Variants in CD177 observed in about 807,000 individuals in gnomAD.
CD177 encodes the protein CD177 molecule, also known as CD177 antigen.
A neutral mutation model predicts 38.1 loss-of-function variants in CD177; 41 were observed. That is an observed-to-expected ratio of 1.07 (90% CI 0.84 to 1.39). CD177 has a LOEUF of 1.39. CD177 is among the 40% of genes most tolerant of loss of function. The pLI, the probability that CD177 is intolerant of heterozygous loss-of-function variation, is 0.00. For missense variants in CD177, 619 were observed against 523.8 expected (o/e 1.18, Z -1.77); for synonymous variants, 236 against 216.7 (o/e 1.09, Z -0.78).
chr19:43,355,140 G>C (rs1258360099), intron 3 of CD177, among the ~76,000 whole-genome samples: 3 of 118,358 alleles, frequency 2.5e-5, no homozygotes, highest in Non-Finnish European at 3.3e-5. Flanking sequence ...CTGAGAAAGC[G>C]TCTCGCTGTG....
At position 43,361,452 on chromosome 19, in the gene CD177, TG is replaced by T. The variant is rs556762097; in HGVS notation, c.955del (p.Val319SerfsTer24). 7.5e-4 allele frequency: 1,183 copies of T among 1,586,608 alleles called. No individual in the cohort carries two copies. Among genetic ancestry groups the T allele is most frequent in the South Asian group, 2.0e-3 (174 of 87,520 alleles). The part of the protein sequence containing the change: ...LNSLPPQAAP[V>X]PGDRQCPTCV... Reference sequence around the variant, plus strand: ...CTTCCCTCTGCTCCCCAGCTGCCCCTGTCCCAGGAGACCGGCAGTGTCCTAC... The same window carrying T: ...CTTCCCTCTGCTCCCCAGCTGCCCCTTCCCAGGAGACCGGCAGTGTCCTAC... On this transcript the variant is annotated frameshift_variant, in exon 8 of 9. Transcript: ENST00000618265. LOFTEE classifies it high-confidence loss of function.
chr19:43,359,976 T>A (rs2122244994), intron 5 of CD177, among the ~76,000 whole-genome samples: 2 of 151,164 alleles, frequency 1.3e-5, no homozygotes, highest in Middle Eastern at 6.8e-3. Context: ...GAAGCAGAGA[T>A]GGGATGAGGA....
In CD177 at chr19:43,361,676, G is replaced by A. The variant is rs528059460; in HGVS notation, c.1081+97G>A. On this transcript the variant is annotated intron_variant, in intron 8 of 8. Transcript: ENST00000618265. Reference sequence around the variant, plus strand: ...GGCTGGGGGCCTGGACTCCTGGTCCGAGGGAGGAGGCGCTGGGGGCCTGGA... The same window carrying A: ...GGCTGGGGGCCTGGACTCCTGGTCCAAGGGAGGAGGCGCTGGGGGCCTGGA... The A allele has an allele frequency of 4.9e-5, 62 of 1,265,540 alleles. No individual in the cohort carries two copies. In the East Asian group the frequency reaches 5.2e-4, roughly 11 times the overall value. 78.4% of individuals were successfully genotyped at this position (1,265,540 alleles called of 1,614,324 possible).
intron 3 of CD177, 21 bp from the exon 4 acceptor site, chr19:43,355,640 C>T (rs750871275): frequency 5.0e-6 from 8 of 1,612,284 alleles, no homozygotes; most frequent in Non-Finnish European, 6.8e-6. Flanking sequence ...TGCCCCCTCA[C>T]TCTGTCTGTC....
At chr19:43,365,523 C>T (rs2098045178), downstream of CD177, among the ~76,000 whole-genome samples, 1 of 123,738 alleles carries the variant, frequency 8.1e-6, no homozygotes, top group Non-Finnish European at 1.7e-5. Flanking sequence ...TCCTCCCTGT[C>T]TTAAGTTTAC....
At chr19:43,360,093 G>A (rs372594673) in intron 5 of CD177, among the ~76,000 whole-genome samples, 172 bp from the exon 6 acceptor site, 2 of 151,930 alleles carry the variant, frequency 1.3e-5, no homozygotes, top group African/African-American at 2.4e-5. Flanking sequence ...AGGGAACAAT[G>A]GGGGTGGGAT....
Position 43,361,615 on chromosome 19 carries a change from A to C in CD177, c.1081+36A>C, listed in dbSNP as rs372911688. On this transcript the variant is annotated intron_variant, in intron 8 of 8. Coordinates refer to ENST00000618265, the MANE Select transcript of CD177 (RefSeq NM_020406.4). ...CAAGCAGGGCCCCAAGGATGAAGGC[A>C]CTGGTGGCCTGGACTCCTGGGTCTG... The C allele has an allele frequency of 8.9e-5, 138 of 1,549,344 alleles. No homozygotes were observed. The African/African-American group carries it at 1.1e-3, about 13-fold the overall frequency.
rs1040829877 is a variant in CD177 at position 43,362,815 on chromosome 19, C to T, written c.*495C>T. The T allele has an allele frequency of 7.2e-5, 11 of 152,770 alleles. No individual in the cohort carries two copies. Among genetic ancestry groups the T allele is most frequent in the African/African-American group, 2.4e-4 (10 of 41,466 alleles). 9.5% of individuals were successfully genotyped at this position (152,770 alleles called of 1,614,324 possible). On this transcript the variant is annotated 3_prime_UTR_variant, in exon 9 of 9. Coordinates refer to ENST00000618265, the MANE Select transcript of CD177 (RefSeq NM_020406.4). ...GCACTGAGACGTATGAGGCTTCCAG[C>T]CTAGCAGCCAGGGCCCTAGCACAAA...
chr19:43,354,543 C>A, intron 3 of CD177, 151 bp downstream of exon 3: 1 of 757,128 alleles, frequency 1.3e-6, no homozygotes, highest in South Asian at 1.7e-5. Context: ...CTGACCATCG[C>A]CCCGCCCCGC....
chr19:43,361,413 T>C, intron 7 of CD177, 32 bp from the exon 8 acceptor site: 2 of 1,595,678 alleles, frequency 1.3e-6, no homozygotes, highest in Non-Finnish European at 1.7e-6. Flanking sequence ...GAGCACAAAG[T>C]CATGTACCCC....
chr19:43,363,563 T>C (rs1414612239), downstream of CD177, among the ~76,000 whole-genome samples: 1 of 152,190 alleles, frequency 6.6e-6, no homozygotes, highest in African/African-American at 2.4e-5. Flanking sequence ...CAAACTGATG[T>C]CCTCACTCTG....
chr19:43,363,668 C>G (rs557475884), downstream of CD177, among the ~76,000 whole-genome samples: 245 of 151,638 alleles, frequency 1.6e-3, 1 homozygote, highest in South Asian at 0.013. Flanking sequence ...GCCATTCACA[C>G]TACAGAACAG....
At chr19:43,355,245 C>G (rs1969909883) in intron 3 of CD177, among the ~76,000 whole-genome samples, 1 of 150,434 alleles carries the variant, frequency 6.6e-6, no homozygotes, top group South Asian at 2.1e-4. Flanking sequence ...TCCCACGTAG[C>G]AGGGACTAGA....
chr19:43,365,219 C>T (rs1488500690), downstream of CD177, among the ~76,000 whole-genome samples: 4 of 140,750 alleles, frequency 2.8e-5, no homozygotes, highest in Non-Finnish European at 4.6e-5. Context: ...TGTAAAATGA[C>T]GCCTTCCAGG....
intron 3 of CD177, among the ~76,000 whole-genome samples, chr19:43,354,715 G>C (rs1430893455): frequency 6.6e-6 from 1 of 152,128 alleles, no homozygotes; most frequent in East Asian, 1.9e-4. Flanking sequence ...TGTTGCGTTT[G>C]GTTCAAGAAG....
At chr19:43,360,858 G>A (rs1042765082) in intron 6 of CD177, 1 of 551,524 alleles carries the variant, frequency 1.8e-6, no homozygotes, top group African/African-American at 1.9e-5. Context: ...CAAGGAAAAG[G>A]AGATAGGAAA....
chr19:43,354,037 GTCCCTTGA>G (rs1438600171), intron 2 of CD177, 44 bp downstream of exon 2: 3 of 1,598,750 alleles, frequency 1.9e-6, no homozygotes, highest in Non-Finnish European at 2.6e-6. Flanking sequence ...TGTCCCCTCA[GTCCCTTGA>G]TCCCTGTGCA....
downstream of CD177, among the ~76,000 whole-genome samples, chr19:43,365,875 C>A (rs2122262219): frequency 6.6e-6 from 1 of 152,306 alleles, no homozygotes; most frequent in South Asian, 2.1e-4. Context: ...CCTGCTTGAG[C>A]CTGACCCCAT....
chr19:43,361,906 GC>G (rs927093599), intron 8 of CD177, among the ~76,000 whole-genome samples, 181 bp from the exon 9 acceptor site: 8 of 147,546 alleles, frequency 5.4e-5, no homozygotes, highest in African/African-American at 1.7e-4. Context: ...GGGACTGGGG[GC>G]CTGGACTCCT....
Sources: allele counts gnomAD v4.1 joint callset (sites outside exome capture counted in the v4.1 genomes callset), GRCh38; gene constraint gnomAD v4.1.1; transcripts MANE v1.5; gene names NCBI Gene and HGNC (gene_info 2026-07-23, HGNC 2026-07-21).